GJC2: variants seen among roughly 807,000 people sequenced by gnomAD.
GJC2 encodes the protein gap junction gamma-2 protein.
For missense variants in GJC2, 647 were observed against 648.9 expected (o/e 1.00, Z 0.03); for synonymous variants, 336 against 307.5 (o/e 1.09, Z -0.97).
intron 1 of GJC2, among the ~76,000 whole-genome samples, chr1:228,154,381 G>A (rs972707329): frequency 1.3e-5 from 2 of 152,206 alleles, no homozygotes; most frequent in Admixed American, 1.3e-4. Context: ...ATGGGTTTTG[G>A]GAGGAATACC....
chr1:228,151,761 C>T lies in GJC2; in HGVS notation c.-20+1754C>T, dbSNP rs1027161934. On this transcript the variant is annotated intron_variant, in intron 1 of 1. Transcript: ENST00000366714. This position sits in a 1 kb window ranked among gnomAD's most constrained non-coding sequence, Gnocchi z 5.4. ...GGCATGGAGGGAGGGTTCCAGGCCT[C>T]GGGCTTGGGTCCTAGGTGGCTGAGC... 3.3e-5 allele frequency among the ~76,000 whole-genome samples: 5 copies of T among 152,084 alleles called. No homozygotes were observed. Among genetic ancestry groups the T allele is most frequent in the Non-Finnish European group, 7.4e-5 (5 of 67,990 alleles).
chr1:228,157,741 A>AGGC lies in GJC2; in HGVS notation c.-18_-17insGGC. 8.5e-6 allele frequency: 3 copies of AGGC among 354,468 alleles called. No homozygotes were observed. Among genetic ancestry groups the AGGC allele is most frequent in the South Asian group, 1.9e-5 (1 of 52,106 alleles). 22.0% of individuals were successfully genotyped at this position (354,468 alleles called of 1,614,324 possible). Reference sequence around the variant, plus strand: ...GCTGACCCCTACCCCGCCCCACAGGACCCGCCCGCCCGCCCCTATGACCAA... The same window carrying AGGC: ...GCTGACCCCTACCCCGCCCCACAGGAGGCCCCGCCCGCCCGCCCCTATGACCAA... On this transcript the variant is annotated splice_region_variant and 5_prime_UTR_variant, in exon 2 of 2. Transcript: ENST00000366714.
At position 228,152,801 on chromosome 1, in the gene GJC2, T is replaced by C. The variant is rs538267315; in HGVS notation, c.-20+2794T>C. Among the ~76,000 whole-genome samples, 268 of 152,104 alleles carry C rather than the reference T, an allele frequency of 1.8e-3. No homozygotes were observed. Among genetic ancestry groups the C allele is most frequent in the Non-Finnish European group, 3.0e-3 (205 of 67,976 alleles). ...CTCCTCTACTTCCCACAGCCTTCCC[T>C]GAGGCTGACCCTGCCTCACCACTCC... is the stretch of plus-strand genomic sequence containing the variant. On this transcript the variant is annotated intron_variant, in intron 1 of 1. Coordinates refer to ENST00000366714, the MANE Select transcript of GJC2 (RefSeq NM_020435.4). The surrounding 1 kb of genome is among the most constrained non-coding windows in gnomAD (Gnocchi z 7.3).
rs534573391 is a variant in GJC2 at position 228,158,848 on chromosome 1, G to A, written c.1090G>A (p.Ala364Thr). 219 of 1,474,114 alleles carry A rather than the reference G, an allele frequency of 1.5e-4. 6 individuals carry two copies. In the South Asian group the frequency reaches 2.6e-3, roughly 18 times the overall value. 91.3% of individuals were successfully genotyped at this position (1,474,114 alleles called of 1,614,324 possible). Reference sequence around the variant, plus strand: ...GCAGGCGCTGCGCGACGGGGCAGCGGCTGGGGACCGCGACCGGGACAGTTC... The same window carrying A: ...GCAGGCGCTGCGCGACGGGGCAGCGACTGGGGACCGCGACCGGGACAGTTC... ...ALQALRDGAA[A>T]GDRDRDSSPC... Residue 364 changes from alanine (A) to threonine (T), a missense_variant, in exon 2 of 2, where the codon GCT becomes ACT. Transcript: ENST00000366714. This position sits in a 1 kb window ranked among gnomAD's most constrained non-coding sequence, Gnocchi z 8.3.
intron 1 of GJC2, among the ~76,000 whole-genome samples, chr1:228,153,908 A>G (rs1419237760): frequency 6.6e-6 from 1 of 152,112 alleles, no homozygotes; most frequent in Non-Finnish European, 1.5e-5. Flanking sequence ...AAAAATAAAA[A>G]TAAAAATTGC....
rs1471834102 is a variant in GJC2 at position 228,150,481 on chromosome 1, C to T, written c.-20+474C>T. ...AGACAGACCTGGGGCCCTGCTCAGT[C>T]CCCTCCATAGAAGGCCACAAGCCAC... On this transcript the variant is annotated intron_variant, in intron 1 of 1. Coordinates refer to ENST00000366714, the MANE Select transcript of GJC2 (RefSeq NM_020435.4). The surrounding 1 kb of genome is among the most constrained non-coding windows in gnomAD (Gnocchi z 4.6). 2.0e-5 allele frequency among the ~76,000 whole-genome samples: 3 copies of T among 152,190 alleles called. No individual in the cohort carries two copies. The highest frequency in any genetic ancestry group is 4.4e-5 in the Non-Finnish European group (3 of 68,018).
In GJC2 at chr1:228,158,635, A is replaced by G; in HGVS notation, c.877A>G (p.Ser293Gly). 6.2e-7 allele frequency: 1 copy of G among 1,606,210 alleles called. No individual in the cohort carries two copies. Among genetic ancestry groups the G allele is most frequent in the South Asian group, 1.1e-5 (1 of 91,050 alleles). The change falls in exon 2 of 2, where the codon AGC becomes GGC. Residue 293 changes from serine (S) to glycine (G), a missense_variant. Ser to Gly is a moderately conservative substitution (Grantham distance 56, BLOSUM62 0). Transcript: ENST00000366714. The surrounding 1 kb of genome is among the most constrained non-coding windows in gnomAD (Gnocchi z 8.3). The stretch of plus-strand genomic sequence containing the variant: ...TGAGATGGCCCACCTGGGCTTGGGC[A>G]GCGCGCAGGACGCGGTGCGCGGCCG... The part of the protein sequence containing the change: ...LCEMAHLGLG[S>G]AQDAVRGRRG...
chr1:228,154,885 A>G lies in GJC2; in HGVS notation c.-19-2855A>G, dbSNP rs933004002. ...CAGCCCTCGGGTCTGCCAGTTCCCC[A>G]CCAGGGGTTCCTGATTCCTGTGATT... On this transcript the variant is annotated intron_variant, in intron 1 of 1. Transcript: ENST00000366714. 2.6e-5 allele frequency among the ~76,000 whole-genome samples: 4 copies of G among 152,242 alleles called. No homozygotes were observed. The East Asian group carries it at 7.7e-4, about 29-fold the overall frequency.
In GJC2 at chr1:228,151,295, T is replaced by C. The variant is rs746220894; in HGVS notation, c.-20+1288T>C. 1.3e-5 allele frequency among the ~76,000 whole-genome samples: 2 copies of C among 152,094 alleles called. No homozygotes were observed. The highest frequency in any genetic ancestry group is 4.8e-5 in the African/African-American group (2 of 41,422). ...CATACCTCCACACCACGCTCCTCAG[T>C]GTCCCCTCACTCCCCTGACATTCCT... On this transcript the variant is annotated intron_variant, in intron 1 of 1. Transcript: ENST00000366714. This position sits in a 1 kb window ranked among gnomAD's most constrained non-coding sequence, Gnocchi z 5.4.
chr1:228,156,591 C>T (rs1415804005), intron 1 of GJC2, among the ~76,000 whole-genome samples: 1 of 152,228 alleles, frequency 6.6e-6, no homozygotes. Flanking sequence ...GGTGGGGAGG[C>T]CTCAGCTGCA....
chr1:228,157,740 G>GGAA lies in GJC2; in HGVS notation c.-19_-18insGAA. The GGAA allele has an allele frequency of 4.5e-6, 3 of 662,258 alleles. No individual in the cohort carries two copies. Among genetic ancestry groups the GGAA allele is most frequent in the Admixed American group, 2.7e-5 (1 of 37,232 alleles). The allele number at this position is 662,258 out of a possible 1,614,324, so 41.0% of individuals were successfully genotyped here. On this transcript the variant is annotated splice_region_variant and 5_prime_UTR_variant, in exon 2 of 2. Coordinates refer to ENST00000366714, the MANE Select transcript of GJC2 (RefSeq NM_020435.4). ...GGCTGACCCCTACCCCGCCCCACAG[G>GGAA]ACCCGCCCGCCCGCCCCTATGACCA... is the stretch of plus-strand genomic sequence containing the variant.
intron 1 of GJC2, among the ~76,000 whole-genome samples, chr1:228,157,081 G>A (rs752061657): frequency 1.3e-5 from 2 of 152,214 alleles, no homozygotes; most frequent in Non-Finnish European, 2.9e-5. Flanking sequence ...AGCGGGACCA[G>A]CCGGGGGCTG....
chr1:228,155,195 G>C (rs940940998), intron 1 of GJC2, among the ~76,000 whole-genome samples: 3 of 152,240 alleles, frequency 2.0e-5, no homozygotes, highest in African/African-American at 7.2e-5. Context: ...CTGTGCATGT[G>C]TGTGTGGCGA....
Position 228,150,417 on chromosome 1 carries a change from G to A in GJC2, c.-20+410G>A, listed in dbSNP as rs914185293. Among the ~76,000 whole-genome samples, 3 of 152,156 alleles carry A rather than the reference G, an allele frequency of 2.0e-5. No individual in the cohort carries two copies. Among genetic ancestry groups the A allele is most frequent in the Admixed American group, 6.5e-5 (1 of 15,288 alleles). On this transcript the variant is annotated intron_variant, in intron 1 of 1. Transcript: ENST00000366714. This position sits in a 1 kb window ranked among gnomAD's most constrained non-coding sequence, Gnocchi z 4.6. Reference sequence around the variant, plus strand: ...CCAGGCCCAGTCCCCCACCCTCAGCGGCCACCTGGAGGTGAGGGGGCCAGC... The same window carrying A: ...CCAGGCCCAGTCCCCCACCCTCAGCAGCCACCTGGAGGTGAGGGGGCCAGC...
chr1:228,158,782 C>T lies in GJC2; in HGVS notation c.1024C>T (p.Arg342Cys). 1.4e-6 allele frequency: 2 copies of T among 1,416,956 alleles called. No homozygotes were observed. The highest frequency in any genetic ancestry group is 2.8e-5 in the Admixed American group (1 of 35,804). The allele number at this position is 1,416,956 out of a possible 1,614,324, so 87.8% of individuals were successfully genotyped here. The change falls in exon 2 of 2, where the codon CGC becomes TGC. Residue 342 changes from arginine to cysteine, a missense_variant. Transcript: ENST00000366714. The surrounding 1 kb of genome is among the most constrained non-coding windows in gnomAD (Gnocchi z 8.3). ...CAGCCTGGTGGTGCGGGCGGCCGAG[C>T]GCGCTCGGGCGCATGACCAGAACCT... The part of the protein sequence containing the change: ...DYSLVVRAAE[R>C]ARAHDQNLAN...
rs967645835 is a variant in GJC2 at position 228,150,815 on chromosome 1, C to T, written c.-20+808C>T. Among the ~76,000 whole-genome samples the T allele has an allele frequency of 1.3e-5, 2 of 152,030 alleles. No individual in the cohort carries two copies. Among genetic ancestry groups the T allele is most frequent in the African/African-American group, 4.8e-5 (2 of 41,390 alleles). ...TGCTGGGCGTTCAGGAGGGAAGAGA[C>T]GGGTTCGTGGATCCTGCGGGTGGAG... On this transcript the variant is annotated intron_variant, in intron 1 of 1. Coordinates refer to ENST00000366714, the MANE Select transcript of GJC2 (RefSeq NM_020435.4). This position sits in a 1 kb window ranked among gnomAD's most constrained non-coding sequence, Gnocchi z 4.6.
intron 1 of GJC2, among the ~76,000 whole-genome samples, chr1:228,157,177 G>A (rs2034692695): frequency 6.6e-6 from 1 of 151,680 alleles, no homozygotes; most frequent in African/African-American, 2.4e-5. Context: ...CCCTGTCCAG[G>A]GTGTGGAGGG....
rs1452954662 is a variant in GJC2, at chr1:228,158,801, A to G, written c.1043A>G (p.Gln348Arg). The G allele has an allele frequency of 8.3e-6, 12 of 1,438,686 alleles. No individual in the cohort carries two copies. Among genetic ancestry groups the G allele is most frequent in the African/African-American group, 3.0e-5 (2 of 66,004 alleles). The allele number at this position is 1,438,686 out of a possible 1,614,324, so 89.1% of individuals were successfully genotyped here. A position where few individuals can be genotyped will look rare whatever the true frequency, so the allele number is the denominator to read the frequency against. ...GCCGAGCGCGCTCGGGCGCATGACCAGAACCTGGCAAACCTGGCCCTGCAG... is the reference window on the plus strand; with the variant it reads ...GCCGAGCGCGCTCGGGCGCATGACCGGAACCTGGCAAACCTGGCCCTGCAG... ...RAAERARAHD[Q>R]NLANLALQAL... Residue 348 changes from glutamine to arginine, a missense_variant, in exon 2 of 2, where the codon CAG becomes CGG. By Grantham distance (43) the Gln-to-Arg change is conservative (BLOSUM62 1). Coordinates refer to ENST00000366714, the MANE Select transcript of GJC2 (RefSeq NM_020435.4). This position sits in a 1 kb window ranked among gnomAD's most constrained non-coding sequence, Gnocchi z 8.3.
chr1:228,150,735 A>C lies in GJC2; in HGVS notation c.-20+728A>C, dbSNP rs1472963649. On this transcript the variant is annotated intron_variant, in intron 1 of 1. Transcript: ENST00000366714. This position sits in a 1 kb window ranked among gnomAD's most constrained non-coding sequence, Gnocchi z 4.6. ...CTGCTGCGCAGGGAGGCCACAGCCCAGGCGCGGGGGCCCCCATCCCAGAGC... is the reference window on the plus strand; with the variant it reads ...CTGCTGCGCAGGGAGGCCACAGCCCCGGCGCGGGGGCCCCCATCCCAGAGC... Among the ~76,000 whole-genome samples the C allele has an allele frequency of 6.6e-6, 1 of 152,088 alleles. No individual in the cohort carries two copies. Among genetic ancestry groups the C allele is most frequent in the Non-Finnish European group, 1.5e-5 (1 of 67,980 alleles).
Sources: allele counts gnomAD v4.1 joint callset (sites outside exome capture counted in the v4.1 genomes callset), GRCh38; gene constraint gnomAD v4.1.1; non-coding constraint Gnocchi (gnomAD v3.1); transcripts MANE v1.5; gene names NCBI Gene and HGNC (gene_info 2026-07-23, HGNC 2026-07-21).